Variants in LRP1B observed in about 807,000 individuals in gnomAD.
The protein encoded by LRP1B is LDL receptor related protein 1B, also known as low-density lipoprotein receptor-related protein 1B.
A neutral mutation model predicts 556.6 loss-of-function variants in LRP1B; 217 were observed. That is an observed-to-expected ratio of 0.39 (90% CI 0.35 to 0.44). LRP1B has a LOEUF of 0.44. LRP1B is among the 20% of genes least tolerant of loss of function. LRP1B has a pLI of 1.00. For missense variants in LRP1B, 5,053 were observed against 5,620.8 expected (o/e 0.90, Z 3.23); for synonymous variants, 2,047 against 1,865.8 (o/e 1.10, Z -2.50).
intron 24 of LRP1B, among the ~76,000 whole-genome samples, chr2:140,884,960 G>A (rs1167821441): frequency 6.6e-6 from 1 of 152,130 alleles, no homozygotes; most frequent in African/African-American, 2.4e-5. Flanking sequence ...ACATCTGTCT[G>A]TCTCAGCCTC....
intron 1 of LRP1B, among the ~76,000 whole-genome samples, chr2:142,030,309 T>A (rs1395597085): frequency 3.3e-5 from 5 of 151,964 alleles, no homozygotes; most frequent in Admixed American, 1.3e-4. Flanking sequence ...TTATGTTCAT[T>A]AAGGCAAGAA....
At chr2:141,780,241 T>C (rs1695209192) in intron 2 of LRP1B, among the ~76,000 whole-genome samples, 2 of 151,968 alleles carry the variant, frequency 1.3e-5, no homozygotes, top group Admixed American at 6.6e-5. Context: ...TGTCAAACAA[T>C]GGGGATAGGG....
chr2:140,970,502 T>C (rs890226980), intron 18 of LRP1B, among the ~76,000 whole-genome samples: 2 of 152,100 alleles, frequency 1.3e-5, no homozygotes, highest in African/African-American at 4.8e-5. Flanking sequence ...TTTGATCATC[T>C]GAAGCCTTCT....
rs1313929289 is a variant in LRP1B, at chr2:141,999,998, A to AAT, written c.82+130648_82+130649dup. Among the ~76,000 whole-genome samples the AAT allele has an allele frequency of 2.7e-5, 4 of 148,228 alleles. No individual in the cohort carries two copies. In the East Asian group the frequency reaches 7.9e-4, roughly 29 times the overall value. On this transcript the variant is annotated intron_variant, in intron 1 of 90. Coordinates refer to ENST00000389484, the MANE Select transcript of LRP1B (RefSeq NM_018557.3). Reference sequence around the variant, plus strand: ...TATATTTATACTATATACATATAGAAATATATATACACATTTATTATATAT... The same window carrying AAT: ...TATATTTATACTATATACATATAGAAATATATATATACACATTTATTATATAT...
intron 66 of LRP1B, among the ~76,000 whole-genome samples, chr2:140,395,977 A>G (rs571852093): frequency 2.0e-3 from 303 of 152,264 alleles, no homozygotes; most frequent in African/African-American, 6.9e-3. Context: ...TCTTTTGCCA[A>G]TGTACTCTAG....
intron 3 of LRP1B, among the ~76,000 whole-genome samples, chr2:141,335,132 C>G (rs998544644): frequency 5.9e-5 from 9 of 152,144 alleles, no homozygotes; most frequent in Non-Finnish European, 1.3e-4. Context: ...ACAAATACTA[C>G]AACTTCAAAG....
At chr2:140,267,483 C>A (rs931522967) in intron 86 of LRP1B, among the ~76,000 whole-genome samples, 1 of 151,840 alleles carries the variant, frequency 6.6e-6, no homozygotes, top group East Asian at 1.9e-4. Flanking sequence ...ATTTATAATA[C>A]CTAACACAAT....
intron 35 of LRP1B, among the ~76,000 whole-genome samples, chr2:140,720,632 A>C (rs2105473316): frequency 6.6e-6 from 1 of 152,196 alleles, no homozygotes; most frequent in Non-Finnish European, 1.5e-5. Flanking sequence ...TCTGTCTGAT[A>C]ATAAGAAAAA....
chr2:140,485,560 A>C lies in LRP1B; in HGVS notation c.9244-36T>G, dbSNP rs1297161725. 2.7e-6 allele frequency: 4 copies of C among 1,507,558 alleles called. No individual in the cohort carries two copies. The African/African-American group carries it at 4.2e-5, about 16-fold the overall frequency. 93.4% of individuals were successfully genotyped at this position (1,507,558 alleles called of 1,614,324 possible). A position where few individuals can be genotyped will look rare whatever the true frequency, so the allele number is the denominator to read the frequency against. The stretch of plus-strand genomic sequence containing the variant: ...AGAATTTAAAAGGTTAACAGCGTAA[A>C]TCCCTAAAATAAGAAGTGAGCAATT... On this transcript the variant is annotated intron_variant, in intron 58 of 90. Transcript: ENST00000389484.
chr2:140,511,244 T>G (rs932552288), intron 51 of LRP1B, among the ~76,000 whole-genome samples: 2 of 151,520 alleles, frequency 1.3e-5, no homozygotes, highest in Non-Finnish European at 2.9e-5. Flanking sequence ...GAAGTAATGT[T>G]TTCAATATGG....
intron 41 of LRP1B, among the ~76,000 whole-genome samples, chr2:140,647,490 G>A (rs1340988249): frequency 2.0e-5 from 3 of 152,166 alleles, no homozygotes; most frequent in South Asian, 4.1e-4. Context: ...ATTTTTGAGA[G>A]TGAAGACGGT....
intron 1 of LRP1B, among the ~76,000 whole-genome samples, chr2:141,956,632 A>G (rs569149087): frequency 6.6e-6 from 1 of 152,016 alleles, no homozygotes; most frequent in East Asian, 1.9e-4. Context: ...CTTTTTTTGT[A>G]GTATAGATAT....
At chr2:141,984,020 C>T (rs1702116509) in intron 1 of LRP1B, among the ~76,000 whole-genome samples, 1 of 152,092 alleles carries the variant, frequency 6.6e-6, no homozygotes, top group Admixed American at 6.5e-5. Flanking sequence ...AAGATCGTAC[C>T]ATTGCACTCC....
chr2:141,273,134 C>A lies in LRP1B; in HGVS notation c.344-18493G>T, dbSNP rs541339648. Among the ~76,000 whole-genome samples the A allele has an allele frequency of 7.9e-4, 120 of 152,156 alleles. 2 individuals carry two copies. The highest frequency in any genetic ancestry group is 2.9e-3 in the South Asian group (14 of 4,818). On this transcript the variant is annotated intron_variant, in intron 3 of 90. Transcript: ENST00000389484. Reference sequence around the variant, plus strand: ...GACCAGCCTGGCCAATTTGGTGAAACCCCATCTCTATGAAAAATACAAAAG... The same window carrying A: ...GACCAGCCTGGCCAATTTGGTGAAAACCCATCTCTATGAAAAATACAAAAG...
intron 1 of LRP1B, among the ~76,000 whole-genome samples, chr2:142,059,373 C>G (rs1315327736): frequency 6.6e-6 from 1 of 152,022 alleles, no homozygotes; most frequent in Non-Finnish European, 1.5e-5. Context: ...AGTTCAATGT[C>G]AATATTGTTT....
At chr2:140,345,687 A>T (rs533870098) in intron 77 of LRP1B, among the ~76,000 whole-genome samples, 2 of 146,320 alleles carry the variant, frequency 1.4e-5, no homozygotes, top group African/African-American at 2.5e-5. Flanking sequence ...TATATATATA[A>T]AATTCATGTC....
Position 140,757,781 on chromosome 2 carries a change from T to G in LRP1B, c.5758+11432A>C, listed in dbSNP as rs528631361. ...CTGTAGTCCCAGCTACTTAGGGGGC[T>G]GAAGCATGACAATCGCCTGAACCTG... On this transcript the variant is annotated intron_variant, in intron 35 of 90. Transcript: ENST00000389484. Among the ~76,000 whole-genome samples, 6 of 152,280 alleles carry G rather than the reference T, an allele frequency of 3.9e-5. No individual in the cohort carries two copies. The South Asian group carries it at 1.0e-3, about 26-fold the overall frequency.
intron 7 of LRP1B, among the ~76,000 whole-genome samples, chr2:141,093,225 C>T (rs147291145): frequency 6.6e-6 from 1 of 152,098 alleles, no homozygotes; most frequent in African/African-American, 2.4e-5. Context: ...AGATAGGAGC[C>T]TGGAGAGTGC....
chr2:141,355,132 A>T (rs1688579719), intron 3 of LRP1B, among the ~76,000 whole-genome samples: 1 of 152,078 alleles, frequency 6.6e-6, no homozygotes, highest in Non-Finnish European at 1.5e-5. Context: ...ATATATTTAG[A>T]CAAAATATCA....
Sources: gnomAD v4.1 joint callset for allele counts (sites outside exome capture counted in the v4.1 genomes callset) on GRCh38, gnomAD v4.1.1 for gene constraint, MANE v1.5 for transcripts, NCBI Gene and HGNC (gene_info 2026-07-23, HGNC 2026-07-21) for gene names.